DENND5B: variants seen among roughly 807,000 people sequenced by gnomAD.
DENND5B encodes the protein DENN domain-containing protein 5B.
Under a neutral mutation model 140.6 loss-of-function variants are expected in DENND5B, and 34 were observed. The observed-to-expected ratio is 0.24, with a 90% CI of 0.18 to 0.32. The LOEUF (loss-of-function observed/expected upper bound fraction) is 0.32. DENND5B is among the 10% of genes least tolerant of loss of function. DENND5B has a pLI of 1.00. For synonymous variants in DENND5B, 551 were observed against 562.1 expected (o/e 0.98, Z 0.28); for missense variants, 1,142 against 1,560.2 (o/e 0.73, Z 4.52).
At chr12:31,461,013 AC>A (rs1944994409) in intron 3 of DENND5B, among the ~76,000 whole-genome samples, 1 of 152,136 alleles carries the variant, frequency 6.6e-6, no homozygotes, top group South Asian at 2.1e-4. Context: ...GGCGTGAACC[AC>A]CGCACCAGGC....
intron 1 of DENND5B, 160 bp downstream of exon 1, chr12:31,590,546 G>A (rs1950583844): frequency 1.1e-6 from 1 of 875,278 alleles, no homozygotes. Flanking sequence ...AAATAACAAT[G>A]TCATTAAATC....
intron 1 of DENND5B, among the ~76,000 whole-genome samples, chr12:31,498,070 TTA>T (rs1946852867): frequency 6.6e-6 from 1 of 152,122 alleles, no homozygotes; most frequent in Admixed American, 6.5e-5. Flanking sequence ...TTCCTCCCAG[TTA>T]TAGTCTAAGC....
chr12:31,436,391 G>A (rs1225911777), intron 7 of DENND5B, among the ~76,000 whole-genome samples: 6 of 151,464 alleles, frequency 4.0e-5, no homozygotes, highest in Non-Finnish European at 4.4e-5. Flanking sequence ...ATGAGCTACC[G>A]TGCCCAATCC....
At chr12:31,455,703 G>A (rs1944739096) in intron 4 of DENND5B, among the ~76,000 whole-genome samples, 1 of 152,104 alleles carries the variant, frequency 6.6e-6, no homozygotes, top group Non-Finnish European at 1.5e-5. Context: ...AAGCCTTCAT[G>A]ATATGTAACT....
chr12:31,410,101 A>T (rs1193828578), intron 13 of DENND5B, among the ~76,000 whole-genome samples: 1 of 152,232 alleles, frequency 6.6e-6, no homozygotes, highest in East Asian at 1.9e-4. Flanking sequence ...TTTATCTATC[A>T]AACTAATAAA....
chr12:31,489,156 G>A (rs186719194), intron 2 of DENND5B, among the ~76,000 whole-genome samples: 24 of 152,176 alleles, frequency 1.6e-4, no homozygotes, highest in African/African-American at 5.1e-4. Context: ...GGAGCAATAC[G>A]TTATACCATA....
intron 12 of DENND5B, among the ~76,000 whole-genome samples, chr12:31,414,393 C>T (rs531390027): frequency 1.3e-5 from 2 of 152,238 alleles, no homozygotes; most frequent in South Asian, 4.2e-4. Flanking sequence ...TATGTATTTG[C>T]TTCAAACTAA....
At position 31,447,569 on chromosome 12, in the gene DENND5B, T is replaced by A; in HGVS notation, c.1830A>T (p.Ile610=). The A allele has an allele frequency of 6.2e-7, 1 of 1,613,768 alleles. No individual in the cohort carries two copies. The highest frequency in any genetic ancestry group is 8.5e-7 in the Non-Finnish European group (1 of 1,179,762). Residue 610 remains isoleucine (I), a synonymous_variant, in exon 6 of 21, where the codon ATA becomes ATT. Coordinates refer to ENST00000389082, the MANE Select transcript of DENND5B (RefSeq NM_144973.4). ...NVRAPTLRTS[I]YQKCSTLKEA... Reference sequence around the variant, plus strand: ...CTTTTAAAGTGCTGCATTTCTGATATATAGATGTCCGCAAGGTGGGTGCCC... The same window carrying A: ...CTTTTAAAGTGCTGCATTTCTGATAAATAGATGTCCGCAAGGTGGGTGCCC...
intron 1 of DENND5B, among the ~76,000 whole-genome samples, chr12:31,571,525 A>AT (rs1340871436): frequency 6.6e-6 from 1 of 152,124 alleles, no homozygotes; most frequent in Non-Finnish European, 1.5e-5. Flanking sequence ...TACGGATTTA[A>AT]TTTCTATCTC....
Position 31,590,782 on chromosome 12 carries a change from G to T in DENND5B, c.51C>A (p.Ala17=). ...CGAAGTAGTGCGCGAAGCGGCAGGC[G>T]GCCGGGGAGGAGCCCGAGCCCGGGC... The part of the protein sequence containing the change: ...APGPGSGSSP[A]ACRFAHYFVL... The change falls in exon 1 of 21, where the codon GCC becomes GCA. Residue 17 remains alanine (A), a synonymous_variant. Transcript: ENST00000389082. 7.3e-7 allele frequency: 1 copy of T among 1,375,918 alleles called. No individual in the cohort carries two copies. The highest frequency in any genetic ancestry group is 9.4e-7 in the Non-Finnish European group (1 of 1,063,516). The allele number at this position is 1,375,918 out of a possible 1,614,324, so 85.2% of individuals were successfully genotyped here. A position where few individuals can be genotyped will look rare whatever the true frequency, so the allele number is the denominator to read the frequency against.
rs562640288 is a variant in DENND5B at position 31,555,494 on chromosome 12, G to A, written c.127+35212C>T. On this transcript the variant is annotated intron_variant, in intron 1 of 20. Coordinates refer to ENST00000389082, the MANE Select transcript of DENND5B (RefSeq NM_144973.4). The stretch of plus-strand genomic sequence containing the variant: ...GGGGTGCCTCCCAGTTAGGCTACTC[G>A]GGGGTCAGGGACCCACTTGAGGAGG... Among the ~76,000 whole-genome samples the A allele has an allele frequency of 9.5e-3, 1,450 of 152,248 alleles. 30 individuals carry two copies. Among genetic ancestry groups the A allele is most frequent in the African/African-American group, 0.033 (1,386 of 41,548 alleles).
intron 1 of DENND5B, among the ~76,000 whole-genome samples, chr12:31,582,284 A>G (rs1950231801): frequency 6.6e-6 from 1 of 152,196 alleles, no homozygotes; most frequent in African/African-American, 2.4e-5. Flanking sequence ...ACCCTTTTCA[A>G]GACAGACGAG....
At chr12:31,394,613 CTCT>C (rs1565536423) in intron 17 of DENND5B, among the ~76,000 whole-genome samples, 1 of 92,160 alleles carries the variant, frequency 1.1e-5, no homozygotes, top group African/African-American at 3.6e-5. Context: ...TTACCCTGTG[CTCT>C]TTTTTTTTTT....
chr12:31,494,181 T>TATCCATCCATCC (rs140870680), intron 2 of DENND5B, among the ~76,000 whole-genome samples: 3 of 85,700 alleles, frequency 3.5e-5, no homozygotes, highest in African/African-American at 9.2e-5. Context: ...TCTATCTATC[T>TATCCATCCATCC]ATCCATCCAT....
intron 1 of DENND5B, among the ~76,000 whole-genome samples, chr12:31,581,128 A>G (rs1950197854): frequency 1.3e-5 from 2 of 152,122 alleles, no homozygotes; most frequent in Admixed American, 6.6e-5. Flanking sequence ...ATAAACAAAT[A>G]AATGTAATAT....
chr12:31,468,768 T>C (rs1228823134), intron 3 of DENND5B, among the ~76,000 whole-genome samples: 2 of 151,942 alleles, frequency 1.3e-5, no homozygotes, highest in Admixed American at 6.6e-5. Flanking sequence ...GCCTAGATCG[T>C]GCTACTGCAC....
At chr12:31,511,231 C>A (rs1353936486) in intron 1 of DENND5B, among the ~76,000 whole-genome samples, 1 of 151,748 alleles carries the variant, frequency 6.6e-6, no homozygotes, top group African/African-American at 2.4e-5. Flanking sequence ...AGAGGGAGAC[C>A]CTGTCTCAAA....
intron 1 of DENND5B, among the ~76,000 whole-genome samples, chr12:31,509,192 T>C (rs886907126): frequency 1.3e-5 from 2 of 152,112 alleles, no homozygotes; most frequent in African/African-American, 4.8e-5. Flanking sequence ...CCACTTGCTG[T>C]CTCAGACTCA....
At chr12:31,403,919 A>G (rs985870331) in intron 14 of DENND5B, among the ~76,000 whole-genome samples, 2 of 150,410 alleles carry the variant, frequency 1.3e-5, no homozygotes, top group Non-Finnish European at 3.0e-5. Context: ...AAAAAAAAAA[A>G]AAAAAGTGCA....
Sources: allele counts gnomAD v4.1 joint callset (sites outside exome capture counted in the v4.1 genomes callset), GRCh38; gene constraint gnomAD v4.1.1; transcripts MANE v1.5; gene names NCBI Gene and HGNC (gene_info 2026-07-23, HGNC 2026-07-21).